Variants in ZBBX observed in about 807,000 individuals in gnomAD.
The protein encoded by ZBBX is zinc finger B-box domain-containing protein 1.
Under a neutral mutation model 108.5 loss-of-function variants are expected in ZBBX, and 101 were observed. That is an observed-to-expected ratio of 0.93 (90% CI 0.79 to 1.10). The LOEUF is 1.10. ZBBX is among the 50% of genes least tolerant of loss of function. The pLI is 0.00. For synonymous variants in ZBBX, 356 were observed against 323.4 expected, an observed-to-expected ratio of 1.10 and a Z score of -1.08; for missense variants, 1,009 against 941.4, an observed-to-expected ratio of 1.07 and a Z score of -0.94.
chr3:167,299,868 C>T (rs1435504073), intron 17 of ZBBX, among the ~76,000 whole-genome samples: 1 of 152,164 alleles, frequency 6.6e-6, no homozygotes, highest in Non-Finnish European at 1.5e-5. Context: ...TATTCAGAAG[C>T]AGGAACTCAG....
intron 1 of ZBBX, among the ~76,000 whole-genome samples, chr3:167,406,617 G>A (rs1172121671): frequency 6.6e-6 from 1 of 152,092 alleles, no homozygotes; most frequent in Non-Finnish European, 1.5e-5. Flanking sequence ...ATAGATAAAA[G>A]TTAAAAATAA....
rs566123431 is a variant in ZBBX at position 167,320,748 on chromosome 3, G to A, written c.983+1369C>T. On this transcript the variant is annotated intron_variant, in intron 12 of 21. Coordinates refer to ENST00000675490, the MANE Select transcript of ZBBX (RefSeq NM_001199201.2). ...TGACATCACGATCCCAGAATGTCAC[G>A]CACTGAGAAAGACACATACTCTCTG... is the stretch of plus-strand genomic sequence containing the variant. 2.8e-4 allele frequency among the ~76,000 whole-genome samples: 43 copies of A among 151,966 alleles called. 1 individual carries two copies. The South Asian group carries it at 7.3e-3, about 26-fold the overall frequency.
At chr3:167,211,584 G>A in the ZBBX span, among the ~76,000 whole-genome samples, 1 of 152,164 alleles carries the variant, frequency 6.6e-6, no homozygotes, top group Non-Finnish European at 1.5e-5. Flanking sequence ...GAGTTCCCAG[G>A]GGGAGGGAAA....
upstream of ZBBX, among the ~76,000 whole-genome samples, chr3:167,380,916 C>A (rs914759853): frequency 6.2e-5 from 9 of 144,102 alleles, no homozygotes; most frequent in Non-Finnish European, 1.4e-4. Flanking sequence ...AGTTAACCCA[C>A]AATTCTCAAC....
rs372606521 is a variant in ZBBX at position 167,314,099 on chromosome 3, C to A, written c.1292G>T (p.Cys431Phe). The A allele has an allele frequency of 3.3e-5, 52 of 1,589,714 alleles. No homozygotes were observed. The African/African-American group carries it at 6.6e-4, about 20-fold the overall frequency. ...DSQRSCAFHDCQKNSFPYENG... is the reference protein window; with the variant it reads ...DSQRSCAFHDFQKNSFPYENG... ...TTCATATGGAAAGCTATTCTTCTGA[C>A]AATCATGAAAAGCACAACTTTCACA... Residue 431 changes from cysteine to phenylalanine, a missense_variant, in exon 16 of 22, where the codon TGT (cysteine) becomes TTT (phenylalanine). By Grantham distance (205) the Cys-to-Phe change is radical. Coordinates refer to ENST00000675490, the MANE Select transcript of ZBBX (RefSeq NM_001199201.2).
At chr3:167,394,789 T>A (rs976368568) in intron 1 of ZBBX, among the ~76,000 whole-genome samples, 2 of 152,074 alleles carry the variant, frequency 1.3e-5, no homozygotes, top group Admixed American at 1.3e-4. Context: ...CTGACTTAAG[T>A]GCTCATAAAT....
Position 167,399,952 on chromosome 3 carries a change from T to C in ZBBX, c.-446+7774A>G, listed in dbSNP as rs932685777. Among the ~76,000 whole-genome samples the C allele has an allele frequency of 3.3e-4, 51 of 152,276 alleles. 1 individual carries two copies. The highest frequency in any genetic ancestry group is 3.1e-3 in the Admixed American group (47 of 15,298). Reference sequence around the variant, plus strand: ...GAGTTCTCACCTATAACTGTGAATATTCAGTATTTGGTTTTCTGTTTCTGC... The same window carrying C: ...GAGTTCTCACCTATAACTGTGAATACTCAGTATTTGGTTTTCTGTTTCTGC... On this transcript the variant is annotated intron_variant, in intron 1 of 21. Transcript: ENST00000455345.
chr3:167,198,372 G>A, the ZBBX span, among the ~76,000 whole-genome samples: 2 of 151,954 alleles, frequency 1.3e-5, no homozygotes, highest in Non-Finnish European at 2.9e-5. Flanking sequence ...CAGACACATG[G>A]ATATCCTAAT....
At chr3:167,371,439 T>C (rs1225039681) in intron 4 of ZBBX, among the ~76,000 whole-genome samples, 1 of 152,188 alleles carries the variant, frequency 6.6e-6, no homozygotes, top group Non-Finnish European at 1.5e-5. Flanking sequence ...CCATGTTCTC[T>C]CCTAGTCCCT....
At position 167,358,281 on chromosome 3, in the gene ZBBX, A is replaced by G. The variant is rs138155369; in HGVS notation, c.432+1589T>C. Among the ~76,000 whole-genome samples the G allele has an allele frequency of 2.9e-3, 446 of 152,244 alleles. 3 individuals are homozygous for G. Among genetic ancestry groups the G allele is most frequent in the Middle Eastern group, 0.01 (3 of 294 alleles). On this transcript the variant is annotated intron_variant, in intron 8 of 21. Coordinates refer to ENST00000675490, the MANE Select transcript of ZBBX (RefSeq NM_001199201.2). ...TGCTAAGCGAAATAAGCCAGTAACT[A>G]AAAGGCAAATAGTGTATGATTTTAC...
At chr3:167,345,093 T>A (rs919668136) in intron 9 of ZBBX, among the ~76,000 whole-genome samples, 1 of 151,852 alleles carries the variant, frequency 6.6e-6, no homozygotes, top group African/African-American at 2.4e-5. Flanking sequence ...GAAAAATAAA[T>A]TTTGCCCTAA....
the ZBBX span, among the ~76,000 whole-genome samples, chr3:167,225,457 G>A: frequency 1.4e-4 from 21 of 151,788 alleles, no homozygotes; most frequent in Admixed American, 5.9e-4. Context: ...CCTACTTTCA[G>A]CTCATACCCA....
chr3:167,326,005 A>C (rs1737320547), intron 11 of ZBBX, among the ~76,000 whole-genome samples: 1 of 152,188 alleles, frequency 6.6e-6, no homozygotes, highest in Non-Finnish European at 1.5e-5. Context: ...ATATTCATTA[A>C]AATTTTATAA....
chr3:167,407,306 A>C (rs926964201), intron 1 of ZBBX, among the ~76,000 whole-genome samples: 6 of 152,198 alleles, frequency 3.9e-5, no homozygotes, highest in Non-Finnish European at 5.9e-5. Flanking sequence ...TAATGCTAAA[A>C]TATTTTATAG....
chr3:167,191,934 T>TATAGAGAGAGAGAGAGAGAGAGAGAG, the ZBBX span, among the ~76,000 whole-genome samples: 6 of 130,220 alleles, frequency 4.6e-5, no homozygotes, highest in African/African-American at 1.8e-4. Flanking sequence ...TATATATATA[T>TATAGAGAGAGAGAGAGAGAGAGAGAG]AGAGCAAGTT....
chr3:167,406,399 TG>T (rs1367028180), intron 1 of ZBBX, among the ~76,000 whole-genome samples: 3 of 152,124 alleles, frequency 2.0e-5, no homozygotes, highest in African/African-American at 7.2e-5. Context: ...AAAATGTAAA[TG>T]GTAGAGAAAT....
intron 16 of ZBBX, 91 bp from the exon 17 acceptor site, chr3:167,306,041 A>G (rs1381016164): frequency 9.1e-7 from 1 of 1,101,606 alleles, no homozygotes; most frequent in Non-Finnish European, 1.2e-6. Context: ...TGGTAAAAAA[A>G]CTTTCTCAAT....
At chr3:167,179,010 G>T in the ZBBX span, among the ~76,000 whole-genome samples, 1 of 152,076 alleles carries the variant, frequency 6.6e-6, no homozygotes, top group Non-Finnish European at 1.5e-5. Context: ...AACATAGAGA[G>T]AGCTTGGCTA....
At chr3:167,314,426 T>A (rs1735091666) in intron 15 of ZBBX, among the ~76,000 whole-genome samples, 1 of 152,122 alleles carries the variant, frequency 6.6e-6, no homozygotes, top group Non-Finnish European at 1.5e-5. Flanking sequence ...AAAGGGAGTG[T>A]TCTCTTTCAA....
Sources: gnomAD v4.1 joint callset for allele counts (sites outside exome capture counted in the v4.1 genomes callset) on GRCh38, gnomAD v4.1.1 for gene constraint, MANE v1.5 for transcripts, NCBI Gene and HGNC (gene_info 2026-07-23, HGNC 2026-07-21) for gene names.